The following SHH variants were observed in gnomAD, a reference collection of about 807,000 sequenced individuals.
SHH encodes sonic hedgehog protein.
A neutral mutation model predicts 16.6 loss-of-function variants in SHH; 3 were observed. The observed-to-expected ratio is 0.18, with a 90% confidence interval of 0.08 to 0.47. The LOEUF is 0.47. Ranked by LOEUF, SHH falls within the 20% of genes least tolerant of loss-of-function variation. The probability of loss-of-function intolerance (pLI) is 0.98; values close to 1 mark genes in which losing one functional copy is unlikely to be tolerated. For missense variants in SHH, 499 were observed against 665.0 expected (o/e 0.75, Z 2.75); for synonymous variants, 351 against 316.2 (o/e 1.11, Z -1.17).
In SHH at chr7:155,804,806, C is replaced by T. The variant is rs73484046; in HGVS notation, c.563-1080G>A. Among the ~76,000 whole-genome samples, 439 of 151,840 alleles carry T rather than the reference C, an allele frequency of 2.9e-3. 3 individuals carry two copies. Among genetic ancestry groups the T allele is most frequent in the African/African-American group, 0.01 (428 of 41,406 alleles). On this transcript the variant is annotated intron_variant, in intron 2 of 2. Coordinates refer to ENST00000297261, the MANE Select transcript of SHH (RefSeq NM_000193.4). ...GGCCGGGGAGGAGGGCGGGGAGGGC[C>T]GTCTTCTTTGCATTCCAATCTCCGG...
At position 155,800,692 on chromosome 7, in the gene SHH, T is replaced by A. The variant is rs1008052109; in HGVS notation, c.*2208A>T. 10 of 467,600 alleles carry A rather than the reference T, an allele frequency of 2.1e-5. No individual in the cohort carries two copies. The highest frequency in any genetic ancestry group is 3.5e-5 in the Non-Finnish European group (8 of 226,552). 29.0% of individuals were successfully genotyped at this position (467,600 alleles called of 1,614,324 possible). ...CCTAGAACACCAAAGAAAAGTCTTT[T>A]ACAGAAAAAGGCTGAGGACTGCTCC... On this transcript the variant is annotated 3_prime_UTR_variant, in exon 3 of 3. Coordinates refer to ENST00000297261, the MANE Select transcript of SHH (RefSeq NM_000193.4).
intron 2 of SHH, among the ~76,000 whole-genome samples, chr7:155,804,241 C>CCTGCCCAA (rs1803288167): frequency 6.6e-6 from 1 of 150,872 alleles, no homozygotes; most frequent in African/African-American, 2.4e-5. Context: ...CGCCTGCCCG[C>CCTGCCCAA]CTGCCCGCCT....
At position 155,803,683 on chromosome 7, in the gene SHH, C is replaced by G; in HGVS notation, c.606G>C (p.Ser202=). The G allele has an allele frequency of 3.1e-6, 5 of 1,597,734 alleles. No homozygotes were observed. The highest frequency in any genetic ancestry group is 1.3e-5 in the African/African-American group (1 of 75,020). The part of the protein sequence containing the change: ...AAKSGGCFPG[S]ATVHLEQGGT... ...CGCCCTGCTCCAGGTGCACCGTGGC[C>G]GAGCCCGGGAAGCAGCCTCCCGATT... The change falls in exon 3 of 3, where the codon TCG becomes TCC. Residue 202 remains serine (S), a synonymous_variant. Transcript: ENST00000297261.
chr7:155,808,121 G>T (rs148158205), intron 1 of SHH, among the ~76,000 whole-genome samples: 2,823 of 152,246 alleles, frequency 0.019, 43 homozygotes, highest in Non-Finnish European at 0.029. Context: ...GGGCCGCCCT[G>T]GTAACAGGTC....
intron 1 of SHH, 163 bp from the exon 2 acceptor site, chr7:155,806,720 G>C (rs4716913): frequency 1.2e-6 from 1 of 844,348 alleles, no homozygotes; most frequent in Non-Finnish European, 2.0e-6. Flanking sequence ...CCGAAGAGCC[G>C]GGCCCTGGGC....
chr7:155,800,179 G>A lies in SHH; in HGVS notation c.*2721C>T, dbSNP rs555228243. The A allele has an allele frequency of 6.4e-4, 303 of 471,108 alleles. No individual in the cohort carries two copies. Among genetic ancestry groups the A allele is most frequent in the Non-Finnish European group, 1.0e-3 (226 of 227,108 alleles). 29.2% of individuals were successfully genotyped at this position (471,108 alleles called of 1,614,324 possible). A position where few individuals can be genotyped will look rare whatever the true frequency, so the allele number is the denominator to read the frequency against. On this transcript the variant is annotated 3_prime_UTR_variant, in exon 3 of 3. Coordinates refer to ENST00000297261, the MANE Select transcript of SHH (RefSeq NM_000193.4). Reference sequence around the variant, plus strand: ...TGAGAAGTCGGCGCCTCGTCCTGGCGGGGCTGGGCTGCACCCTCTTGATGC... The same window carrying A: ...TGAGAAGTCGGCGCCTCGTCCTGGCAGGGCTGGGCTGCACCCTCTTGATGC...
intron 1 of SHH, among the ~76,000 whole-genome samples, chr7:155,811,223 C>T (rs941960888): frequency 3.9e-5 from 6 of 152,244 alleles, no homozygotes; most frequent in Middle Eastern, 3.2e-3. Flanking sequence ...CAGGGACGGG[C>T]GGAGTCTCCC....
intron 2 of SHH, among the ~76,000 whole-genome samples, chr7:155,804,852 G>A (rs577090703): frequency 6.6e-6 from 1 of 152,124 alleles, no homozygotes; most frequent in East Asian, 1.9e-4. Context: ...TTTGCAAATA[G>A]AGATTGCCAG....
chr7:155,812,349 G>C lies in SHH; in HGVS notation c.-227C>G. ...ACCGCTCCCCACCCAGACAGGGGCTGGAATGGCAGGCTGCCGGCCGCTGAT... is the reference window on the plus strand; with the variant it reads ...ACCGCTCCCCACCCAGACAGGGGCTCGAATGGCAGGCTGCCGGCCGCTGAT... On this transcript the variant is annotated 5_prime_UTR_variant, in exon 1 of 3. Transcript: ENST00000297261. The C allele has an allele frequency of 1.7e-6, 1 of 593,768 alleles. No homozygotes were observed. The highest frequency in any genetic ancestry group is 3.0e-6 in the Non-Finnish European group (1 of 331,558). 36.8% of individuals were successfully genotyped at this position (593,768 alleles called of 1,614,324 possible). A position where few individuals can be genotyped will look rare whatever the true frequency, so the allele number is the denominator to read the frequency against.
chr7:155,807,185 G>C lies in SHH; in HGVS notation c.301-628C>G, dbSNP rs1419263083. On this transcript the variant is annotated intron_variant, in intron 1 of 2. Transcript: ENST00000297261. The surrounding 1 kb of genome is among the most constrained non-coding windows in gnomAD (Gnocchi z 7.1). Reference sequence around the variant, plus strand: ...CGAGAAGCCGCTGGCGGGGCTGCGCGGTGGGCGGGAGCCTGGGTGGCAGGC... The same window carrying C: ...CGAGAAGCCGCTGGCGGGGCTGCGCCGTGGGCGGGAGCCTGGGTGGCAGGC... The C allele has an allele frequency of 6.3e-6, 1 of 159,046 alleles. No homozygotes were observed. Among genetic ancestry groups the C allele is most frequent in the Non-Finnish European group, 1.4e-5 (1 of 71,754 alleles). 9.9% of individuals were successfully genotyped at this position (159,046 alleles called of 1,614,324 possible).
intron 2 of SHH, among the ~76,000 whole-genome samples, chr7:155,804,763 T>C (rs765074377): frequency 7.9e-4 from 120 of 152,214 alleles, no homozygotes; most frequent in Admixed American, 2.5e-3. Flanking sequence ...ATAATTGAAG[T>C]TGGGGCGGAG....
rs1342669376 is a variant in SHH at position 155,801,319 on chromosome 7, G to A, written c.*1581C>T. On this transcript the variant is annotated 3_prime_UTR_variant, in exon 3 of 3. Transcript: ENST00000297261. ...AAGAAAAGAGGATAGGAGCTTCAGA[G>A]AAGATCAAACCGGGTCCTCTCTTCT... 6.6e-6 allele frequency: 1 copy of A among 152,356 alleles called. No individual in the cohort carries two copies. Among genetic ancestry groups the A allele is most frequent in the African/African-American group, 2.4e-5 (1 of 41,462 alleles). 9.4% of individuals were successfully genotyped at this position (152,356 alleles called of 1,614,324 possible). A position where few individuals can be genotyped will look rare whatever the true frequency, so the allele number is the denominator to read the frequency against.
At chr7:155,811,239 G>A (rs957062145) in intron 1 of SHH, among the ~76,000 whole-genome samples, 8 of 152,244 alleles carry the variant, frequency 5.3e-5, no homozygotes, top group Admixed American at 1.3e-4. Context: ...CTCCCCTGGA[G>A]CCCCTGCCTT....
intron 2 of SHH, 119 bp downstream of exon 2, chr7:155,806,177 G>A (rs2117136742): frequency 1.5e-6 from 2 of 1,297,690 alleles, no homozygotes; most frequent in East Asian, 2.3e-5. Flanking sequence ...CGCAGTCATC[G>A]CCCAGCGACC....
chr7:155,806,686 G>T (rs1445263802), intron 1 of SHH, 129 bp from the exon 2 acceptor site: 1 of 1,211,704 alleles, frequency 8.3e-7, no homozygotes, highest in Admixed American at 1.8e-5. Flanking sequence ...GTGGGGAGAC[G>T]GGGGTTGGAA....
intron 1 of SHH, among the ~76,000 whole-genome samples, chr7:155,808,505 C>A (rs1013527346): frequency 4.6e-5 from 7 of 152,244 alleles, no homozygotes; most frequent in Non-Finnish European, 8.8e-5. Flanking sequence ...CCGGGTCCAG[C>A]CGGGCCGCGA....
rs767551681 is a variant in SHH, at chr7:155,803,646, C to T, written c.643G>A (p.Val215Met). The T allele has an allele frequency of 3.8e-6, 6 of 1,598,108 alleles. No homozygotes were observed. Among genetic ancestry groups the T allele is most frequent in the Non-Finnish European group, 5.1e-6 (6 of 1,179,436 alleles). ...CGGTCCCCGGGGCTCAGGTCCTTCACCAGCTTGGTGCCGCCCTGCTCCAGG... is the reference window on the plus strand; with the variant it reads ...CGGTCCCCGGGGCTCAGGTCCTTCATCAGCTTGGTGCCGCCCTGCTCCAGG... ...VHLEQGGTKL[V>M]KDLSPGDRVL... The change falls in exon 3 of 3, where the codon GTG becomes ATG. Residue 215 changes from valine to methionine, a missense_variant. Physicochemically the swap from Val to Met is conservative, Grantham distance 21. Around this residue, in one of 4 missense-constraint regions of SHH, gnomAD observed 114 missense variants for 200.4 expected, o/e 0.57. Coordinates refer to ENST00000297261, the MANE Select transcript of SHH (RefSeq NM_000193.4).
At position 155,802,942 on chromosome 7, in the gene SHH, G is replaced by T. The variant is rs780708466; in HGVS notation, c.1347C>A (p.Ser449Arg). The change falls in exon 3 of 3, where the codon AGC becomes AGA. Residue 449 changes from serine (S) to arginine (R), a missense_variant. Around this residue, in one of 4 missense-constraint regions of SHH, gnomAD observed 299 missense variants for 301.1 expected, o/e 0.99. Coordinates refer to ENST00000297261, the MANE Select transcript of SHH (RefSeq NM_000193.4). ...CCATGCCCAGCGGGTGCAGGGCCTC[G>T]CTGTCCAGGAGCCAGGTGCCTATTT... ...LYQIGTWLLD[S>R]EALHPLGMAV... The T allele has an allele frequency of 6.9e-7, 1 of 1,456,324 alleles. No individual in the cohort carries two copies. Among genetic ancestry groups the T allele is most frequent in the Non-Finnish European group, 9.2e-7 (1 of 1,090,596 alleles). 90.2% of individuals were successfully genotyped at this position (1,456,324 alleles called of 1,614,324 possible). A position where few individuals can be genotyped will look rare whatever the true frequency, so the allele number is the denominator to read the frequency against.
Position 155,804,954 on chromosome 7 carries a change from C to G in SHH, c.563-1228G>C, listed in dbSNP as rs1174560504. On this transcript the variant is annotated intron_variant, in intron 2 of 2. Transcript: ENST00000297261. The stretch of plus-strand genomic sequence containing the variant: ...GCGGGGCTGGCCGTTGGAGGCCCTC[C>G]GTAGCCCCCCGGAATGCGACCCCGG... Among the ~76,000 whole-genome samples, 3 of 152,314 alleles carry G rather than the reference C, an allele frequency of 2.0e-5. No individual in the cohort carries two copies. In the East Asian group the frequency reaches 5.8e-4, roughly 29 times the overall value.
Sources: gnomAD v4.1 joint callset for allele counts (sites outside exome capture counted in the v4.1 genomes callset) on GRCh38, gnomAD v4.1.1 for gene constraint, gnomAD v4.1.1 regional missense constraint, Gnocchi (gnomAD v3.1) non-coding constraint, MANE v1.5 for transcripts, NCBI Gene and HGNC (gene_info 2026-07-23, HGNC 2026-07-21) for gene names.